CDH18: variants seen among roughly 807,000 people sequenced by gnomAD.
The protein encoded by CDH18 is cadherin-18.
In CDH18, 31 loss-of-function variants were observed where a neutral mutation model predicts 67.9. The observed-to-expected ratio is 0.46, with a 90% CI of 0.34 to 0.62. The LOEUF is 0.62. Ranked by LOEUF, CDH18 falls within the 20% of genes least tolerant of loss-of-function variation. The pLI, the probability that CDH18 is intolerant of heterozygous loss-of-function variation, is 0.01. For synonymous variants in CDH18, 362 were observed against 347.2 expected (o/e 1.04, Z -0.48); for missense variants, 890 against 975.5 (o/e 0.91, Z 1.17).
intron 3 of CDH18, among the ~76,000 whole-genome samples, chr5:19,835,626 A>C (rs1392124631): frequency 6.6e-6 from 1 of 152,126 alleles, no homozygotes; most frequent in Non-Finnish European, 1.5e-5. Context: ...GCATATAGTA[A>C]TTGCTGAGCT....
At chr5:19,842,302 G>A (rs1168340783) in intron 2 of CDH18, among the ~76,000 whole-genome samples, 1 of 152,138 alleles carries the variant, frequency 6.6e-6, no homozygotes, top group Non-Finnish European at 1.5e-5. Flanking sequence ...AATCTGAATT[G>A]TAATCCCCAT....
chr5:19,872,585 C>T (rs571974904), intron 2 of CDH18, among the ~76,000 whole-genome samples: 206 of 152,220 alleles, frequency 1.4e-3, no homozygotes, highest in African/African-American at 4.9e-3. Flanking sequence ...TGAATTCTAT[C>T]AATAACCTAA....
Position 19,619,658 on chromosome 5 carries a change from A to G in CDH18, c.644-7057T>C, listed in dbSNP as rs572893797. On this transcript the variant is annotated intron_variant, in intron 5 of 12. Transcript: ENST00000382275. ...AAGGTTAATTTTAATTTTTACAAAC[A>G]TTCAATATTTTGTTTCTCAAGTGGC... is the stretch of plus-strand genomic sequence containing the variant. Among the ~76,000 whole-genome samples, 5 of 152,326 alleles carry G rather than the reference A, an allele frequency of 3.3e-5. No homozygotes were observed. The South Asian group carries it at 1.0e-3, about 32-fold the overall frequency.
intron 2 of CDH18, among the ~76,000 whole-genome samples, chr5:19,868,978 G>A (rs369619729): frequency 3.9e-5 from 6 of 151,976 alleles, no homozygotes; most frequent in South Asian, 4.1e-4. Context: ...AACTGAAAGC[G>A]GACAGCCACT....
intron 5 of CDH18, among the ~76,000 whole-genome samples, chr5:19,709,013 T>A (rs1191773268): frequency 5.5e-5 from 6 of 109,034 alleles, no homozygotes; most frequent in East Asian, 5.7e-4. Flanking sequence ...GTTAAATAAA[T>A]AAATAAATAA....
intron 5 of CDH18, among the ~76,000 whole-genome samples, chr5:19,709,335 A>G (rs775955885): frequency 2.6e-5 from 4 of 152,146 alleles, no homozygotes; most frequent in African/African-American, 9.7e-5. Flanking sequence ...TGGGAGGCCA[A>G]TGTGTGTGGA....
At chr5:19,860,013 T>TGTGTGTGTGA (rs1447938947) in intron 2 of CDH18, among the ~76,000 whole-genome samples, 1 of 151,904 alleles carries the variant, frequency 6.6e-6, no homozygotes, top group African/African-American at 2.4e-5. Flanking sequence ...TGTGTGTGTG[T>TGTGTGTGTGA]GTGTGTGTGT....
chr5:19,503,345 T>TGCAAAC (rs1743578938), intron 10 of CDH18, among the ~76,000 whole-genome samples: 1 of 151,912 alleles, frequency 6.6e-6, no homozygotes, highest in South Asian at 2.1e-4. Context: ...TTTCTAGCAT[T>TGCAAAC]GCAAACGCAT....
At chr5:20,447,040 G>T (rs1229333004) in intron 1 of CDH18, among the ~76,000 whole-genome samples, 1 of 151,888 alleles carries the variant, frequency 6.6e-6, no homozygotes, top group East Asian at 1.9e-4. Context: ...AGATTTACTA[G>T]ATAAAATGTG....
intron 2 of CDH18, among the ~76,000 whole-genome samples, chr5:20,131,715 ATTGAT>A (rs1393190542): frequency 6.6e-6 from 1 of 152,168 alleles, no homozygotes; most frequent in Admixed American, 6.6e-5. Context: ...TTTATGCTAT[ATTGAT>A]TTATGTATTT....
chr5:20,554,264 G>A (rs1034418042), intron 1 of CDH18, among the ~76,000 whole-genome samples: 3 of 152,116 alleles, frequency 2.0e-5, no homozygotes, highest in Non-Finnish European at 4.4e-5. Flanking sequence ...AAAAATAGGC[G>A]ATGGTCCAGG....
chr5:20,458,856 T>G (rs1751024598), intron 1 of CDH18, among the ~76,000 whole-genome samples: 1 of 152,184 alleles, frequency 6.6e-6, no homozygotes, highest in Non-Finnish European at 1.5e-5. Flanking sequence ...TGCAACATTT[T>G]AAAAAGTGAA....
intron 3 of CDH18, among the ~76,000 whole-genome samples, chr5:19,802,198 A>G (rs1038758266): frequency 6.6e-6 from 1 of 152,130 alleles, no homozygotes; most frequent in African/African-American, 2.4e-5. Context: ...TGCTGCCTCA[A>G]ATACTATAAA....
chr5:19,978,115 A>C (rs1798680989), intron 2 of CDH18, among the ~76,000 whole-genome samples: 1 of 152,140 alleles, frequency 6.6e-6, no homozygotes, highest in South Asian at 2.1e-4. Flanking sequence ...AATTTACCTA[A>C]GACTGTACAA....
At position 19,760,447 on chromosome 5, in the gene CDH18, C is replaced by G. The variant is rs554014994; in HGVS notation, c.229-13211G>C. Among the ~76,000 whole-genome samples the G allele has an allele frequency of 4.1e-4, 63 of 152,322 alleles. 2 individuals carry two copies. In the South Asian group the frequency reaches 0.013, roughly 31 times the overall value. On this transcript the variant is annotated intron_variant, in intron 3 of 12. Coordinates refer to ENST00000382275, the MANE Select transcript of CDH18 (RefSeq NM_004934.5). ...GGAAAGATCAGGCATTTCCAGCTTG[C>G]TCACGGTGGCCCATCTTTTAATCCA...
chr5:19,860,910 C>G (rs1459761851), intron 2 of CDH18, among the ~76,000 whole-genome samples: 1 of 152,118 alleles, frequency 6.6e-6, no homozygotes, highest in African/African-American at 2.4e-5. Flanking sequence ...ATAATTGTCT[C>G]TCTAAATACC....
At chr5:19,811,136 A>C (rs1015917136) in intron 3 of CDH18, among the ~76,000 whole-genome samples, 10 of 128,574 alleles carry the variant, frequency 7.8e-5, no homozygotes, top group Non-Finnish European at 1.3e-4. Context: ...GAAAGAAAGA[A>C]AGAAAGAAAG....
At position 19,555,738 on chromosome 5, in the gene CDH18, T is replaced by C. The variant is rs1444314274; in HGVS notation, c.1254-11733A>G. Among the ~76,000 whole-genome samples the C allele has an allele frequency of 2.6e-5, 4 of 152,272 alleles. No homozygotes were observed. In the East Asian group the frequency reaches 7.7e-4, roughly 29 times the overall value. ...ATCTCTTGGGAGCCGTATGGCTCTGTTGACTGCCTGATCCTCCCTATACAA... is the reference window on the plus strand; with the variant it reads ...ATCTCTTGGGAGCCGTATGGCTCTGCTGACTGCCTGATCCTCCCTATACAA... On this transcript the variant is annotated intron_variant, in intron 8 of 12. Transcript: ENST00000382275.
chr5:20,553,852 C>CA (rs200545075), intron 1 of CDH18, among the ~76,000 whole-genome samples: 42 of 151,038 alleles, frequency 2.8e-4, no homozygotes, highest in South Asian at 2.7e-3. Context: ...CTCTAGACCA[C>CA]AAAAAAAAAT....
Sources: gnomAD v4.1 joint callset for allele counts (sites outside exome capture counted in the v4.1 genomes callset) on GRCh38, gnomAD v4.1.1 for gene constraint, MANE v1.5 for transcripts, NCBI Gene and HGNC (gene_info 2026-07-23, HGNC 2026-07-21) for gene names.